The following ERC1 variants were observed in gnomAD, a reference collection of about 807,000 sequenced individuals.
ERC1 encodes RAB6 interacting protein 2.
A neutral mutation model predicts 132.0 loss-of-function variants in ERC1; 56 were observed. The ratio of observed to expected loss-of-function variants is 0.42; its 90% CI spans 0.34 to 0.53. The LOEUF (loss-of-function observed/expected upper bound fraction) is 0.53, where lower values mean the gene tolerates loss of function less well. ERC1 is among the 20% of genes least tolerant of loss of function. The pLI is 0.03. For missense variants in ERC1, 1,202 were observed against 1,349.9 expected (o/e 0.89, Z 1.72); for synonymous variants, 478 against 476.1 (o/e 1.00, Z -0.05).
chr12:1,008,277 G>A (rs193101431), intron 1 of ERC1, among the ~76,000 whole-genome samples: 1 of 152,122 alleles, frequency 6.6e-6, no homozygotes, highest in Non-Finnish European at 1.5e-5. Context: ...GCCAGAAAGC[G>A]CTGTTTATTA....
At chr12:1,395,630 C>T (rs1196854069) in intron 16 of ERC1, among the ~76,000 whole-genome samples, 1 of 150,850 alleles carries the variant, frequency 6.6e-6, no homozygotes, top group African/African-American at 2.4e-5. Flanking sequence ...TCAGGGAAAA[C>T]TATAAGCTAT....
At chr12:1,110,836 G>A (rs1276669820) in intron 5 of ERC1, among the ~76,000 whole-genome samples, 1 of 152,052 alleles carries the variant, frequency 6.6e-6, no homozygotes, top group Non-Finnish European at 1.5e-5. Flanking sequence ...CCAAGTAGCT[G>A]GGATTACAGG....
Position 1,420,924 on chromosome 12 carries a change from G to GC in ERC1, c.3024+12677_3024+12678insC, listed in dbSNP as rs963559745. Among the ~76,000 whole-genome samples, 1,117 of 148,060 alleles carry GC rather than the reference G, an allele frequency of 7.5e-3. 17 individuals are homozygous for GC. The highest frequency in any genetic ancestry group is 0.012 in the Non-Finnish European group (791 of 66,806). The stretch of plus-strand genomic sequence containing the variant: ...TTGTTTGTTTGGTTTTGGTTTGGGG[G>GC]GGGGGGGGGTTAATTATAAAGCATT... On this transcript the variant is annotated intron_variant, in intron 17 of 18. Transcript: ENST00000360905.
intron 18 of ERC1, among the ~76,000 whole-genome samples, chr12:1,486,977 A>G (rs562766690): frequency 1.4e-4 from 21 of 152,226 alleles, no homozygotes; most frequent in Non-Finnish European, 2.5e-4. Flanking sequence ...TGGAATCAAG[A>G]TACTGAAGCA....
At chr12:1,056,218 A>T (rs1437593053) in intron 2 of ERC1, among the ~76,000 whole-genome samples, 1 of 152,070 alleles carries the variant, frequency 6.6e-6, no homozygotes, top group African/African-American at 2.4e-5. Flanking sequence ...CCCGTAATGA[A>T]CACGTTTCTA....
At chr12:1,091,038 C>G (rs1021919764) in intron 3 of ERC1, among the ~76,000 whole-genome samples, 1 of 152,058 alleles carries the variant, frequency 6.6e-6, no homozygotes, top group African/African-American at 2.4e-5. Flanking sequence ...GCTGGGACAA[C>G]AGGCGTGCAC....
chr12:1,456,397 T>C (rs943582891), intron 18 of ERC1, among the ~76,000 whole-genome samples: 1 of 152,158 alleles, frequency 6.6e-6, no homozygotes, highest in African/African-American at 2.4e-5. Context: ...GTTTCCTGTC[T>C]GTAGATTCTA....
chr12:1,424,858 A>ATAGC (rs1228039902), intron 17 of ERC1, among the ~76,000 whole-genome samples: 2 of 118,830 alleles, frequency 1.7e-5, no homozygotes, highest in African/African-American at 7.8e-5. Flanking sequence ...AGATAGATAG[A>ATAGC]TAGATCGATA....
At position 1,490,209 on chromosome 12, in the gene ERC1, C is replaced by A. The variant is rs142996485; in HGVS notation, c.3330C>A (p.Asn1110Lys). 48 of 1,614,034 alleles carry A rather than the reference C, an allele frequency of 3.0e-5. No individual in the cohort carries two copies. Among genetic ancestry groups the A allele is most frequent in the Non-Finnish European group, 3.7e-5 (44 of 1,180,026 alleles). ...HCPDILEQVVNALEESS is the reference protein window; with the variant it reads ...HCPDILEQVVKALEESS ...CCGACATCCTAGAGCAAGTGGTCAA[C>A]GCCCTGGAAGAGTCCTCTTGACCCT... The change falls in exon 19 of 19, where the codon AAC becomes AAA. Residue 1110 changes from asparagine to lysine, a missense_variant. Physicochemically the swap from Asn to Lys is moderately conservative, Grantham distance 94. Transcript: ENST00000360905.
intron 18 of ERC1, chr12:1,480,915 G>T (rs931985656): frequency 2.6e-5 from 18 of 702,274 alleles, no homozygotes; most frequent in Non-Finnish European, 4.2e-5. Flanking sequence ...AAATGCAGAC[G>T]CCCCCAGACG....
chr12:1,059,213 A>G (rs1216963696), intron 2 of ERC1, among the ~76,000 whole-genome samples: 2 of 152,182 alleles, frequency 1.3e-5, no homozygotes, highest in African/African-American at 4.8e-5. Flanking sequence ...GAATTTGTTT[A>G]TAAGTTCTAA....
chr12:1,083,514 G>A lies in ERC1; in HGVS notation c.1020G>A (p.Glu340=). The change falls in exon 3 of 19, where the codon GAG becomes GAA. Residue 340 remains glutamate (E), a synonymous_variant. Coordinates refer to ENST00000360905, the MANE Select transcript of ERC1 (RefSeq NM_178040.4). ...HERTRRLAEA[E]MHVHHLESLL... ...GAACAAGACGACTGGCAGAGGCAGAGATGCACGTTCATCACCTAGAAAGCC... is the reference window on the plus strand; with the variant it reads ...GAACAAGACGACTGGCAGAGGCAGAAATGCACGTTCATCACCTAGAAAGCC... 1 of 1,613,948 alleles carries A rather than the reference G, an allele frequency of 6.2e-7. No homozygotes were observed. Among genetic ancestry groups the A allele is most frequent in the Non-Finnish European group, 8.5e-7 (1 of 1,179,974 alleles).
At chr12:1,459,724 G>A (rs1198726049) in intron 18 of ERC1, among the ~76,000 whole-genome samples, 2 of 152,172 alleles carry the variant, frequency 1.3e-5, no homozygotes, top group Non-Finnish European at 2.9e-5. Context: ...CAGTTAATTA[G>A]CACAAAGTAT....
chr12:1,165,365 G>C (rs1593873840), intron 8 of ERC1, among the ~76,000 whole-genome samples: 1 of 151,856 alleles, frequency 6.6e-6, no homozygotes, highest in East Asian at 1.9e-4. Flanking sequence ...GAGTGCAGTG[G>C]CGCGATCTTG....
At chr12:1,375,776 TC>T (rs1476230030) in intron 16 of ERC1, among the ~76,000 whole-genome samples, 1 of 141,896 alleles carries the variant, frequency 7.0e-6, no homozygotes, top group Non-Finnish European at 1.5e-5. Flanking sequence ...TTTGCTCTGT[TC>T]CCCAGGCTGG....
chr12:1,132,116 A>C (rs1197157334), intron 7 of ERC1, among the ~76,000 whole-genome samples: 3 of 152,236 alleles, frequency 2.0e-5, no homozygotes, highest in African/African-American at 7.2e-5. Flanking sequence ...CCAAACCAAA[A>C]GATCAGTGTA....
At chr12:1,202,721 A>C (rs1231099203) in intron 12 of ERC1, among the ~76,000 whole-genome samples, 1 of 152,200 alleles carries the variant, frequency 6.6e-6, no homozygotes, top group Non-Finnish European at 1.5e-5. Flanking sequence ...ATAATAAAGT[A>C]GGTAAAAATT....
chr12:1,182,608 T>C (rs1384164100), intron 10 of ERC1, among the ~76,000 whole-genome samples: 1 of 152,188 alleles, frequency 6.6e-6, no homozygotes, highest in East Asian at 1.9e-4. Flanking sequence ...TAGGCAATGT[T>C]ATGGAAGTTT....
chr12:1,385,552 T>G (rs942648536), intron 16 of ERC1, among the ~76,000 whole-genome samples: 2 of 152,236 alleles, frequency 1.3e-5, no homozygotes. Flanking sequence ...CCCAAAGTGC[T>G]GGGATTCCAG....
Sources: gnomAD v4.1 joint callset for allele counts (sites outside exome capture counted in the v4.1 genomes callset) on GRCh38, gnomAD v4.1.1 for gene constraint, MANE v1.5 for transcripts, NCBI Gene and HGNC (gene_info 2026-07-23, HGNC 2026-07-21) for gene names.